RBM25: variants seen among roughly 807,000 people sequenced by gnomAD.
RBM25 encodes the protein RNA-binding protein 25.
A neutral mutation model predicts 120.7 loss-of-function variants in RBM25; 19 were observed. The observed-to-expected ratio is 0.16, with a 90% confidence interval of 0.11 to 0.23. The LOEUF (loss-of-function observed/expected upper bound fraction) is 0.23, where lower values mean the gene tolerates loss of function less well. RBM25 is among the 10% of genes least tolerant of loss of function. RBM25 has a pLI of 1.00. For synonymous variants in RBM25, 390 were observed against 326.7 expected (o/e 1.19, Z -2.09); for missense variants, 605 against 1,041.5 (o/e 0.58, Z 5.77).
At chr14:73,103,944 TCTCTCACACACACACACA>T (rs1566597459) in intron 10 of RBM25, among the ~76,000 whole-genome samples, 3 of 42,526 alleles carry the variant, frequency 7.1e-5, no homozygotes, top group Admixed American at 2.2e-4. Context: ...TCTCTCTCTC[TCTCTCACACACACACACA>T]CACACACACA....
intron 2 of RBM25, 66 bp downstream of exon 2, chr14:73,071,813 G>C (rs1345325239): frequency 2.3e-6 from 3 of 1,306,256 alleles, no homozygotes; most frequent in Non-Finnish European, 3.3e-6. Context: ...ACTAACTTCA[G>C]GAAAATGTTA....
chr14:73,077,247 G>A, intron 3 of RBM25, 122 bp from the exon 4 acceptor site: 1 of 816,372 alleles, frequency 1.2e-6, no homozygotes, highest in East Asian at 2.8e-5. Flanking sequence ...AAGTATACAA[G>A]CATGCAGAGC....
intron 5 of RBM25, among the ~76,000 whole-genome samples, chr14:73,087,539 G>T (rs1040215306): frequency 6.6e-6 from 1 of 152,212 alleles, no homozygotes. Context: ...GGGACTACAG[G>T]CGCCCGCCAC....
At chr14:73,104,436 T>C (rs1325041101) in intron 10 of RBM25, among the ~76,000 whole-genome samples, 2 of 151,976 alleles carry the variant, frequency 1.3e-5, no homozygotes, top group African/African-American at 4.8e-5. Context: ...TGGTACAGTG[T>C]TGGCTCATTG....
chr14:73,099,314 C>A, intron 7 of RBM25, 66 bp from the exon 8 acceptor site: 1 of 1,413,844 alleles, frequency 7.1e-7, no homozygotes, highest in Non-Finnish European at 9.8e-7. Context: ...TAGGGCATTG[C>A]TTTGCAGATT....
intron 10 of RBM25, among the ~76,000 whole-genome samples, chr14:73,103,820 C>CT (rs1397179510): frequency 6.6e-6 from 1 of 151,792 alleles, no homozygotes; most frequent in Admixed American, 6.6e-5. Flanking sequence ...TCCCTAAGTG[C>CT]TGGGATTATA....
At chr14:73,088,961 C>T (rs185701581) in intron 6 of RBM25, among the ~76,000 whole-genome samples, 257 of 152,090 alleles carry the variant, frequency 1.7e-3, no homozygotes, top group Middle Eastern at 6.8e-3. Flanking sequence ...GCCAACGTGG[C>T]GAAACCCTGT....
intron 10 of RBM25, among the ~76,000 whole-genome samples, chr14:73,105,254 C>T (rs532504615): frequency 1.2e-4 from 18 of 151,362 alleles, no homozygotes; most frequent in Admixed American, 2.0e-4. Context: ...ACTACAGGCA[C>T]GTGCCACCAT....
chr14:73,068,046 A>G, intron 1 of RBM25: 2 of 433,792 alleles, frequency 4.6e-6, no homozygotes, highest in Non-Finnish European at 8.7e-6. Flanking sequence ...GGTGCAGCGC[A>G]CACTGGTTTA....
At chr14:73,085,249 T>C (rs1278180480) in intron 5 of RBM25, among the ~76,000 whole-genome samples, 6 of 151,974 alleles carry the variant, frequency 3.9e-5, no homozygotes, top group Admixed American at 2.0e-4. Context: ...GATCTCCTGA[T>C]CTCGTGATCT....
chr14:73,110,700 AT>A, intron 14 of RBM25, 130 bp from the exon 15 acceptor site: 1 of 1,134,470 alleles, frequency 8.8e-7, no homozygotes, highest in Non-Finnish European at 1.2e-6. Context: ...AAGTGCTGGG[AT>A]TACAGGCATG....
At position 73,067,065 on chromosome 14, in the gene RBM25, TA is replaced by T. The variant is rs1346404493; in HGVS notation, c.-15-4560del. Among the ~76,000 whole-genome samples, 205 of 139,040 alleles carry T rather than the reference TA, an allele frequency of 1.5e-3. 1 individual carries two copies. Among genetic ancestry groups the T allele is most frequent in the African/African-American group, 4.8e-3 (188 of 39,532 alleles). The allele number at this position is 139,040 out of a possible 152,430, so 91.2% of individuals were successfully genotyped here. On this transcript the variant is annotated intron_variant, in intron 1 of 18. Transcript: ENST00000261973. ...TTTGGAGGTAAAGTTTGGATACATA[TA>T]ATTTTTTTTTTTTTTTTTTTTGATG... is the stretch of plus-strand genomic sequence containing the variant.
Position 73,123,781 on chromosome 14 carries a change from A to G in RBM25, c.*3976A>G, listed in dbSNP as rs1473113947. On this transcript the variant is annotated 3_prime_UTR_variant, in exon 19 of 19. Coordinates refer to ENST00000261973, the MANE Select transcript of RBM25 (RefSeq NM_021239.3). ...ATTGACAGAATCTTTGCATTTCATT[A>G]CTTGAGTCATGAAGGCGAAATTAAA... The G allele has an allele frequency of 6.6e-6, 1 of 152,234 alleles. No individual in the cohort carries two copies. Among genetic ancestry groups the G allele is most frequent in the Non-Finnish European group, 1.5e-5 (1 of 68,042 alleles). The allele number at this position is 152,234 out of a possible 1,614,324, so 9.4% of individuals were successfully genotyped here. A position where few individuals can be genotyped will look rare whatever the true frequency, so the allele number is the denominator to read the frequency against.
intron 9 of RBM25, chr14:73,101,972 C>G (rs1226661770): frequency 6.6e-6 from 1 of 152,172 alleles, no homozygotes; most frequent in Non-Finnish European, 1.5e-5. Context: ...TATTCTACTT[C>G]GATATAGACT....
chr14:73,077,114 A>G (rs372839067), intron 3 of RBM25, among the ~76,000 whole-genome samples: 7 of 152,352 alleles, frequency 4.6e-5, no homozygotes, highest in African/African-American at 1.4e-4. Context: ...TCTTAAACAT[A>G]ACAAAGTTTT....
At chr14:73,069,749 A>T (rs1385512652) in intron 1 of RBM25, 7 of 33,948 alleles carry the variant, frequency 2.1e-4, no homozygotes, top group African/African-American at 6.1e-4. Context: ...TGTTTCTTAA[A>T]AAAAAAAAAA....
intron 1 of RBM25, chr14:73,059,513 T>A (rs1322395059): frequency 6.6e-6 from 1 of 152,228 alleles, no homozygotes; most frequent in African/African-American, 2.4e-5. Context: ...AATATGGATT[T>A]GTATTGCCAT....
In RBM25 at chr14:73,088,172, T is replaced by G. The variant is rs762092192; in HGVS notation, c.543+11T>G. The G allele has an allele frequency of 3.1e-6, 5 of 1,613,800 alleles. No individual in the cohort carries two copies. In the South Asian group the frequency reaches 5.5e-5, roughly 18 times the overall value. On this transcript the variant is annotated intron_variant, in intron 6 of 18. Transcript: ENST00000261973. ...AAAGCTTCTAATGGGGTATGTTTTC[T>G]GTCGTGTTATCTTTTCTAGGCCAGA...
rs143991642 is a variant in RBM25, at chr14:73,079,094, G to A, written c.324+1558G>A. 2.5e-4 allele frequency among the ~76,000 whole-genome samples: 36 copies of A among 144,200 alleles called. No individual in the cohort carries two copies. The East Asian group carries it at 6.8e-3, about 27-fold the overall frequency. The allele number at this position is 144,200 out of a possible 152,430, so 94.6% of individuals were successfully genotyped here. A position where few individuals can be genotyped will look rare whatever the true frequency, so the allele number is the denominator to read the frequency against. On this transcript the variant is annotated intron_variant, in intron 4 of 18. Transcript: ENST00000261973. ...TTAAGATTTTATCTTGATGATACAT[G>A]TACATTGTTAAGTGAAATAATGCTG...
Sources: allele counts gnomAD v4.1 joint callset (sites outside exome capture counted in the v4.1 genomes callset), GRCh38; gene constraint gnomAD v4.1.1; transcripts MANE v1.5; gene names NCBI Gene and HGNC (gene_info 2026-07-23, HGNC 2026-07-21).